The following KBTBD12 variants were observed in gnomAD, a reference collection of about 807,000 sequenced individuals.
KBTBD12 encodes kelch repeat and BTB domain containing 12.
In KBTBD12, 53 loss-of-function variants were observed where a neutral mutation model predicts 58.7. That is an observed-to-expected ratio of 0.90 (90% CI 0.72 to 1.14). The LOEUF (loss-of-function observed/expected upper bound fraction) is 1.14. Among genes scored for constraint, KBTBD12 ranks in the 50% most tolerant of loss-of-function variants. The pLI is 0.00. For synonymous variants in KBTBD12, 236 were observed against 259.8 expected, an observed-to-expected ratio of 0.91 and a Z score of 0.88; for missense variants, 704 against 751.3, an observed-to-expected ratio of 0.94 and a Z score of 0.74.
At chr3:127,946,129 T>G (rs1437154169) in intron 4 of KBTBD12, among the ~76,000 whole-genome samples, 1 of 152,228 alleles carries the variant, frequency 6.6e-6, no homozygotes, top group Non-Finnish European at 1.5e-5. Flanking sequence ...CCGTTGTACT[T>G]TTCTTGTTAT....
At chr3:127,933,496 C>G (rs1939755991) in intron 4 of KBTBD12, among the ~76,000 whole-genome samples, 1 of 152,138 alleles carries the variant, frequency 6.6e-6, no homozygotes, top group Admixed American at 6.5e-5. Flanking sequence ...TCCTGGAAAT[C>G]AGAAAGTCAC....
chr3:127,936,374 G>GA (rs35158488), intron 4 of KBTBD12, among the ~76,000 whole-genome samples: 54,440 of 138,302 alleles, frequency 0.39, 10,271 homozygotes, highest in African/African-American at 0.47. Context: ...CAGGAGTACA[G>GA]AAAAAAAAAA....
chr3:127,955,889 A>T (rs932490826), intron 4 of KBTBD12, among the ~76,000 whole-genome samples: 1 of 152,214 alleles, frequency 6.6e-6, no homozygotes, highest in African/African-American at 2.4e-5. Flanking sequence ...AAGTTGGATA[A>T]AGTTACTTGC....
At chr3:127,919,865 C>G (rs771032230) in intron 1 of KBTBD12, among the ~76,000 whole-genome samples, 4 of 152,072 alleles carry the variant, frequency 2.6e-5, no homozygotes, top group Non-Finnish European at 4.4e-5. Flanking sequence ...TTTTCAAAAG[C>G]TGTGACCCTA....
chr3:127,923,149 A>G lies in KBTBD12; in HGVS notation c.88A>G (p.Met30Val). 6.2e-7 allele frequency: 1 copy of G among 1,612,682 alleles called. No individual in the cohort carries two copies. The highest frequency in any genetic ancestry group is 1.1e-5 in the South Asian group (1 of 91,030). Residue 30 changes from methionine (M) to valine (V), a missense_variant, in exon 2 of 6, where the codon ATG becomes GTG. Coordinates refer to ENST00000405109, the MANE Select transcript of KBTBD12 (RefSeq NM_207335.4). Reference sequence around the variant, plus strand: ...TCAGAACATGAAAGAATTAGCAGAAATGATTGATGTGGTACTCACAGCAGA... The same window carrying G: ...TCAGAACATGAAAGAATTAGCAGAAGTGATTGATGTGGTACTCACAGCAGA... ...KIQNMKELAEMIDVVLTAEGE... is the reference protein window; with the variant it reads ...KIQNMKELAEVIDVVLTAEGE...
chr3:127,969,212 T>C (rs1229941794), intron 5 of KBTBD12, among the ~76,000 whole-genome samples: 1 of 152,180 alleles, frequency 6.6e-6, no homozygotes, highest in Non-Finnish European at 1.5e-5. Flanking sequence ...CTAGAGCTAA[T>C]AGACAGGTTC....
At chr3:127,951,089 C>A (rs576961172) in intron 4 of KBTBD12, among the ~76,000 whole-genome samples, 4 of 152,226 alleles carry the variant, frequency 2.6e-5, no homozygotes, top group Non-Finnish European at 4.4e-5. Context: ...TATATCAAAG[C>A]ATGGTAGAGA....
chr3:127,918,013 G>T (rs1033830424), intron 1 of KBTBD12, among the ~76,000 whole-genome samples: 1 of 151,906 alleles, frequency 6.6e-6, no homozygotes, highest in Non-Finnish European at 1.5e-5. Context: ...AGTTTGAGAC[G>T]CACCTGGGCA....
intron 4 of KBTBD12, among the ~76,000 whole-genome samples, chr3:127,959,673 A>G (rs76266981): frequency 0.023 from 3,485 of 152,318 alleles, 120 homozygotes; most frequent in African/African-American, 0.076. Context: ...GGTATTAAAG[A>G]AAAATTCCTG....
intron 1 of KBTBD12, among the ~76,000 whole-genome samples, chr3:127,918,892 G>A (rs1302889577): frequency 6.6e-6 from 1 of 152,174 alleles, no homozygotes; most frequent in Admixed American, 6.5e-5. Context: ...GGTGAAAACA[G>A]GCCCGGGATA....
intron 5 of KBTBD12, among the ~76,000 whole-genome samples, chr3:127,968,844 A>T (rs1029629516): frequency 7.9e-5 from 12 of 151,824 alleles, no homozygotes; most frequent in Admixed American, 2.6e-4. Flanking sequence ...TAAAGGGAAA[A>T]AAACAGATTA....
intron 1 of KBTBD12, among the ~76,000 whole-genome samples, chr3:127,922,228 G>A (rs1939428025): frequency 6.6e-6 from 1 of 152,008 alleles, no homozygotes; most frequent in Non-Finnish European, 1.5e-5. Flanking sequence ...ATGAATTGGG[G>A]AAAAAATAAA....
intron 4 of KBTBD12, among the ~76,000 whole-genome samples, chr3:127,933,412 C>T (rs985791864): frequency 1.3e-5 from 2 of 152,146 alleles, no homozygotes; most frequent in African/African-American, 4.8e-5. Context: ...GCCTACAGTT[C>T]TCCTAGGCTG....
chr3:127,919,924 A>C (rs970574943), intron 1 of KBTBD12, among the ~76,000 whole-genome samples: 1 of 152,238 alleles, frequency 6.6e-6, no homozygotes, highest in Non-Finnish European at 1.5e-5. Context: ...AGATATACAA[A>C]GAGGCATTAA....
intron 4 of KBTBD12, among the ~76,000 whole-genome samples, chr3:127,940,314 T>A (rs537621265): frequency 6.6e-6 from 1 of 152,136 alleles, no homozygotes; most frequent in East Asian, 1.9e-4. Context: ...ACATGGAATG[T>A]TCACCAAGAT....
intron 4 of KBTBD12, among the ~76,000 whole-genome samples, chr3:127,943,454 T>C (rs1940002718): frequency 1.3e-5 from 2 of 152,136 alleles, no homozygotes; most frequent in South Asian, 4.1e-4. Context: ...ATATACCTAT[T>C]GGGCATTTGT....
intron 4 of KBTBD12, among the ~76,000 whole-genome samples, chr3:127,947,030 GTCTA>G (rs1440258575): frequency 1.1e-4 from 16 of 151,338 alleles, no homozygotes; most frequent in Non-Finnish European, 2.2e-4. Context: ...ATCCATTTTT[GTCTA>G]TCTGTTTTTT....
chr3:127,967,287 GAGA>G (rs1238936012), intron 5 of KBTBD12, among the ~76,000 whole-genome samples: 1 of 152,138 alleles, frequency 6.6e-6, no homozygotes, highest in African/African-American at 2.4e-5. Flanking sequence ...CCAACATTTG[GAGA>G]AGAACAATGA....
intron 4 of KBTBD12, among the ~76,000 whole-genome samples, chr3:127,933,180 T>C (rs925480367): frequency 2.6e-5 from 4 of 152,184 alleles, no homozygotes; most frequent in Admixed American, 6.6e-5. Flanking sequence ...AAATTGAGAA[T>C]AGTTTCTTTA....
Sources: allele counts gnomAD v4.1 joint callset (sites outside exome capture counted in the v4.1 genomes callset), GRCh38; gene constraint gnomAD v4.1.1; transcripts MANE v1.5; gene names NCBI Gene and HGNC (gene_info 2026-07-23, HGNC 2026-07-21).